TCF20: variants seen among roughly 807,000 people sequenced by gnomAD.
TCF20 encodes the protein transcription factor 20.
In TCF20, 3 loss-of-function variants were observed where a neutral mutation model predicts 148.6. The ratio of observed to expected loss-of-function variants is 0.02; its 90% CI spans 0.01 to 0.05. TCF20 has a LOEUF of 0.05. Among genes scored for constraint, TCF20 ranks in the 10% least tolerant of loss-of-function variants. The probability of loss-of-function intolerance (pLI) is 1.00; values close to 1 mark genes in which losing one functional copy is unlikely to be tolerated. For missense variants in TCF20, 2,350 were observed against 2,429.3 expected (o/e 0.97, Z 0.69); for synonymous variants, 1,049 against 909.5 (o/e 1.15, Z -2.76).
At chr22:42,161,652 A>G (rs2147024115) in intron 5 of TCF20, among the ~76,000 whole-genome samples, 1 of 152,358 alleles carries the variant, frequency 6.6e-6, no homozygotes, top group South Asian at 2.1e-4. Context: ...CCAGTACAGC[A>G]GAGAACTCCC....
At chr22:42,309,448 C>A (rs1228308390) in intron 1 of TCF20, among the ~76,000 whole-genome samples, 2 of 152,122 alleles carry the variant, frequency 1.3e-5, no homozygotes, top group South Asian at 4.2e-4. Flanking sequence ...CCAGCTTGGG[C>A]CTCCGCGCTC....
upstream of TCF20, among the ~76,000 whole-genome samples, chr22:42,270,871 G>C (rs1452047129): frequency 1.7e-4 from 26 of 151,010 alleles, no homozygotes; most frequent in Admixed American, 1.7e-3. Context: ...GTCGCACGGG[G>C]TTCTCCTCTG....
At chr22:42,187,416 T>C (rs1937097422) in intron 2 of TCF20, among the ~76,000 whole-genome samples, 1 of 152,220 alleles carries the variant, frequency 6.6e-6, no homozygotes, top group Non-Finnish European at 1.5e-5. Context: ...AGTATTTGTT[T>C]CTTTGGGAAA....
intron 1 of TCF20, among the ~76,000 whole-genome samples, chr22:42,325,742 C>T (rs1309360742): frequency 6.6e-6 from 1 of 152,144 alleles, no homozygotes; most frequent in African/African-American, 2.4e-5. Context: ...CATCACCTGC[C>T]AGAGCTGGGA....
intron 1 of TCF20, among the ~76,000 whole-genome samples, chr22:42,226,761 A>G (rs1922941301): frequency 1.3e-5 from 2 of 152,198 alleles, no homozygotes; most frequent in South Asian, 4.1e-4. Context: ...TTAAAATTCA[A>G]AAGATATCAA....
At chr22:42,302,869 C>G (rs773027201) in intron 1 of TCF20, among the ~76,000 whole-genome samples, 1 of 152,224 alleles carries the variant, frequency 6.6e-6, no homozygotes, top group African/African-American at 2.4e-5. Flanking sequence ...GCCTCCAGCC[C>G]TGGCACACGG....
At chr22:42,234,776 T>C (rs973074151) in intron 1 of TCF20, among the ~76,000 whole-genome samples, 6 of 152,092 alleles carry the variant, frequency 3.9e-5, no homozygotes, top group Non-Finnish European at 7.4e-5. Context: ...CATCAAGAAT[T>C]AGCAAATTAA....
At chr22:42,207,764 G>A (rs1938486614) in intron 2 of TCF20, among the ~76,000 whole-genome samples, 1 of 152,192 alleles carries the variant, frequency 6.6e-6, no homozygotes, top group Admixed American at 6.5e-5. Flanking sequence ...GCGGTGAGCT[G>A]AGATTGCGCC....
chr22:42,221,544 A>G (rs1477221087), intron 1 of TCF20, among the ~76,000 whole-genome samples: 1 of 152,130 alleles, frequency 6.6e-6, no homozygotes, highest in African/African-American at 2.4e-5. Flanking sequence ...TATGACATAG[A>G]ACAGGGACTA....
At chr22:42,177,391 G>A (rs1223657615) in intron 3 of TCF20, among the ~76,000 whole-genome samples, 2 of 152,166 alleles carry the variant, frequency 1.3e-5, no homozygotes, top group Non-Finnish European at 2.9e-5. Context: ...CTTTAGCCTG[G>A]GCGATAAGAG....
At chr22:42,236,653 C>T (rs1923912592) in intron 1 of TCF20, among the ~76,000 whole-genome samples, 1 of 152,148 alleles carries the variant, frequency 6.6e-6, no homozygotes, top group Admixed American at 6.5e-5. Context: ...TGGAGAGTCA[C>T]CTGCAATCCT....
chr22:42,185,450 T>A (rs1936999497), intron 2 of TCF20, among the ~76,000 whole-genome samples: 1 of 152,196 alleles, frequency 6.6e-6, no homozygotes, highest in South Asian at 2.1e-4. Context: ...TACTCTTCAA[T>A]GAGTTACAAA....
chr22:42,326,512 T>C (rs2227113), intron 1 of TCF20, among the ~76,000 whole-genome samples: 72,674 of 151,956 alleles, frequency 0.48, 17,688 homozygotes, highest in East Asian at 0.66. Flanking sequence ...CTTCCAACTC[T>C]CCGCTCTTCA....
chr22:42,237,257 C>T (rs981778070), intron 1 of TCF20, among the ~76,000 whole-genome samples: 4 of 152,204 alleles, frequency 2.6e-5, no homozygotes, highest in African/African-American at 9.7e-5. Context: ...CAACAATGTT[C>T]ACAGCATCTT....
In TCF20 at chr22:42,215,252, T is replaced by G; in HGVS notation, c.54A>C (p.Pro18=). The change falls in exon 2 of 6, where the codon CCA becomes CCC. Residue 18 remains proline (P), a synonymous_variant. Coordinates refer to ENST00000677622, the MANE Select transcript of TCF20 (RefSeq NM_001378418.1). ...SSYHGNQQSY[P]QEVHGSSRLE... is the part of the protein sequence containing the mutation. ...GCCGGGATGAGCCGTGTACCTCCTG[T>G]GGGTAGCTTTGCTGGTTTCCGTGGT... 1 of 1,614,188 alleles carries G rather than the reference T, an allele frequency of 6.2e-7. No individual in the cohort carries two copies. The highest frequency in any genetic ancestry group is 8.5e-7 in the Non-Finnish European group (1 of 1,180,032).
upstream of TCF20, among the ~76,000 whole-genome samples, chr22:42,270,730 C>CGGGGCGGGGCGCGCGGCG (rs1258666126): frequency 1.4e-4 from 16 of 117,108 alleles, no homozygotes; most frequent in South Asian, 5.6e-4. Flanking sequence ...GGGCGCGCGG[C>CGGGGCGGGGCGCGCGGCG]GGGGCGGGGC....
rs867543946 is a variant in TCF20 at position 42,211,128 on chromosome 22, G to A, written c.4178C>T (p.Pro1393Leu). ...DDILSLKSGP[P>L]EGGSVAVQDA... ...CTGAACAGCAACACTCCCACCTTCAGGAGGACCACTCTTCAAAGACAGTAT... is the reference window on the plus strand; with the variant it reads ...CTGAACAGCAACACTCCCACCTTCAAGAGGACCACTCTTCAAAGACAGTAT... Residue 1393 changes from proline to leucine, a missense_variant, in exon 2 of 6, where the codon CCT (proline) becomes CTT (leucine). By Grantham distance (98) the Pro-to-Leu change is moderately conservative (BLOSUM62 -3). This residue lies in a region of TCF20 where 231 missense variants were observed against 213.7 expected (regional missense o/e 1.08). Coordinates refer to ENST00000677622, the MANE Select transcript of TCF20 (RefSeq NM_001378418.1). 1.2e-6 allele frequency: 2 copies of A among 1,614,180 alleles called. No homozygotes were observed. Among genetic ancestry groups the A allele is most frequent in the Non-Finnish European group, 1.7e-6 (2 of 1,180,028 alleles).
intron 2 of TCF20, among the ~76,000 whole-genome samples, chr22:42,199,831 G>C (rs976393674): frequency 6.8e-6 from 1 of 147,054 alleles, no homozygotes; most frequent in Non-Finnish European, 1.5e-5. Flanking sequence ...GACTGGGCAA[G>C]AGTGACTCTG....
At chr22:42,170,729 T>C (rs1323635395) in intron 3 of TCF20, among the ~76,000 whole-genome samples, 1 of 151,692 alleles carries the variant, frequency 6.6e-6, no homozygotes, top group Non-Finnish European at 1.5e-5. Flanking sequence ...TTAAATTTTA[T>C]CTTTTCTATA....
Sources: gnomAD v4.1 joint callset for allele counts (sites outside exome capture counted in the v4.1 genomes callset) on GRCh38, gnomAD v4.1.1 for gene constraint, gnomAD v4.1.1 regional missense constraint, MANE v1.5 for transcripts, NCBI Gene and HGNC (gene_info 2026-07-23, HGNC 2026-07-21) for gene names.